TPTE2: variants seen among roughly 807,000 people sequenced by gnomAD.
TPTE2 encodes the protein phosphatidylinositol 3,4,5-trisphosphate 3-phosphatase TPTE2.
A neutral mutation model predicts 78.6 loss-of-function variants in TPTE2; 53 were observed. The ratio of observed to expected loss-of-function variants is 0.67; its 90% CI spans 0.54 to 0.85. The LOEUF (loss-of-function observed/expected upper bound fraction) is 0.85. Among genes scored for constraint, TPTE2 ranks in the 40% least tolerant of loss-of-function variants. The pLI, the probability that TPTE2 is intolerant of heterozygous loss-of-function variation, is 0.00. For synonymous variants in TPTE2, 175 were observed against 206.2 expected (o/e 0.85, Z 1.30); for missense variants, 461 against 623.0 (o/e 0.74, Z 2.77).
intron 1 of TPTE2, among the ~76,000 whole-genome samples, chr13:19,509,821 T>C (rs573392114): frequency 7.9e-5 from 12 of 152,280 alleles, no homozygotes; most frequent in African/African-American, 2.6e-4. Context: ...TATGTAGATA[T>C]ATGTCATTGA....
chr13:19,467,110 T>C (rs1183608009), intron 7 of TPTE2, 115 bp downstream of exon 10: 22 of 1,266,012 alleles, frequency 1.7e-5, no homozygotes, highest in Admixed American at 8.4e-5. Context: ...TTTAAAGCAA[T>C]GTATTTGGTA....
the TPTE2 span, among the ~76,000 whole-genome samples, chr13:19,561,554 C>G: frequency 6.6e-6 from 1 of 152,174 alleles, no homozygotes; most frequent in African/African-American, 2.4e-5. Context: ...TCTTCCCGGC[C>G]GTTGCGATGA....
rs370334261 is a variant in TPTE2, at chr13:19,422,995, T to C, written c.*67A>G. The stretch of plus-strand genomic sequence containing the variant: ...CATGTGGCAGGGGTTGGAAAGAACA[T>C]AATTCTTTCCCAGAAGGGGAAGGGG... On this transcript the variant is annotated 3_prime_UTR_variant, in exon 20 of 20. Transcript: ENST00000400230. The C allele has an allele frequency of 2.5e-6, 4 of 1,585,056 alleles. No homozygotes were observed. The East Asian group carries it at 6.8e-5, about 27-fold the overall frequency.
chr13:19,538,045 T>C (rs1871308357), upstream of TPTE2, among the ~76,000 whole-genome samples: 1 of 152,246 alleles, frequency 6.6e-6, no homozygotes. Context: ...TTAGTGATTA[T>C]ATGTGAATAT....
chr13:19,430,691 A>AT, intron 16 of TPTE2, 144 bp from the exon 20 acceptor site: 1 of 621,586 alleles, frequency 1.6e-6, no homozygotes, highest in Non-Finnish European at 2.8e-6. Context: ...TCTTGCATGG[A>AT]TTTTGTCTTT....
chr13:19,490,894 T>C (rs1593393023), intron 3 of TPTE2, among the ~76,000 whole-genome samples: 1 of 152,310 alleles, frequency 6.6e-6, no homozygotes, highest in Non-Finnish European at 1.5e-5. Context: ...TAGTAGAGTG[T>C]CATACACTAC....
At chr13:19,493,953 A>G (rs1881159803) in intron 1 of TPTE2, among the ~76,000 whole-genome samples, 1 of 152,162 alleles carries the variant, frequency 6.6e-6, no homozygotes, top group African/African-American at 2.4e-5. Flanking sequence ...GCACAATCCA[A>G]TAGGATTTGA....
At chr13:19,467,735 T>G in intron 6 of TPTE2, among the ~76,000 whole-genome samples, 1 of 152,142 alleles carries the variant, frequency 6.6e-6, no homozygotes, top group Non-Finnish European at 1.5e-5. Context: ...AAGTTATTGT[T>G]GACTATGGTC....
At chr13:19,499,827 C>T (rs906639449) in intron 1 of TPTE2, among the ~76,000 whole-genome samples, 13 of 150,534 alleles carry the variant, frequency 8.6e-5, no homozygotes, top group African/African-American at 2.7e-4. Flanking sequence ...AATAGAGACA[C>T]AAAAAACCCT....
the TPTE2 span, among the ~76,000 whole-genome samples, chr13:19,544,620 G>A: frequency 6.6e-6 from 1 of 152,172 alleles, no homozygotes; most frequent in Middle Eastern, 3.2e-3. Flanking sequence ...GCCAGGCCAG[G>A]CACGGTGGCT....
chr13:19,520,019 C>G (rs920251393), intron 1 of TPTE2, among the ~76,000 whole-genome samples: 2 of 151,856 alleles, frequency 1.3e-5, no homozygotes, highest in African/African-American at 2.4e-5. Context: ...AATAAAATTA[C>G]TTTCTTAATT....
chr13:19,540,864 TA>T (rs1263955540), upstream of TPTE2, among the ~76,000 whole-genome samples: 1 of 152,254 alleles, frequency 6.6e-6, no homozygotes, highest in Non-Finnish European at 1.5e-5. Flanking sequence ...ATCTAGTCTC[TA>T]ATAACAGGTT....
chr13:19,529,010 T>G (rs1870698430), intron 1 of TPTE2, among the ~76,000 whole-genome samples: 1 of 152,060 alleles, frequency 6.6e-6, no homozygotes, highest in African/African-American at 2.4e-5. Context: ...TTCCAGCTAC[T>G]CGGGAAGCTG....
chr13:19,473,844 T>A lies in TPTE2; in HGVS notation c.392+70A>T, dbSNP rs1879775414. 28 of 1,350,746 alleles carry A rather than the reference T, an allele frequency of 2.1e-5. 2 individuals carry two copies. In the South Asian group the frequency reaches 4.5e-4, roughly 22 times the overall value. 83.7% of individuals were successfully genotyped at this position (1,350,746 alleles called of 1,614,324 possible). On this transcript the variant is annotated intron_variant, in intron 6 of 19. Coordinates refer to ENST00000400230, the Ensembl canonical transcript of TPTE2. ...CTCCTGACCTTGGGATCCTCCCACC[T>A]CAGCCTCCCAAAGTGCTTCTTATAA...
At chr13:19,432,791 A>C (rs1437949674) in intron 15 of TPTE2, among the ~76,000 whole-genome samples, 1 of 151,770 alleles carries the variant, frequency 6.6e-6, no homozygotes, top group Non-Finnish European at 1.5e-5. Context: ...GCAATGGGGA[A>C]GTAACAAGGA....
chr13:19,561,022 G>T, the TPTE2 span: 2 of 1,577,182 alleles, frequency 1.3e-6, no homozygotes, highest in Non-Finnish European at 1.7e-6. Context: ...CACAGACCAG[G>T]CAGAGGCGCT....
At chr13:19,436,016 A>T (rs1050717489) in intron 15 of TPTE2, among the ~76,000 whole-genome samples, 22 of 152,160 alleles carry the variant, frequency 1.4e-4, no homozygotes, top group African/African-American at 5.3e-4. Flanking sequence ...AGAAAGCAGG[A>T]TTCTCTGAGG....
chr13:19,433,790 T>A (rs1357992387), intron 15 of TPTE2, among the ~76,000 whole-genome samples: 1 of 152,222 alleles, frequency 6.6e-6, no homozygotes, highest in East Asian at 1.9e-4. Context: ...GCTGAGTCCC[T>A]GTGTTGCTTT....
intron 1 of TPTE2, among the ~76,000 whole-genome samples, chr13:19,512,048 G>A (rs1034568286): frequency 1.3e-5 from 2 of 152,178 alleles, no homozygotes; most frequent in African/African-American, 4.8e-5. Context: ...ATATTTACTT[G>A]TTAGTGAATA....
Sources: gnomAD v4.1 joint callset for allele counts (sites outside exome capture counted in the v4.1 genomes callset) on GRCh38, gnomAD v4.1.1 for gene constraint, MANE v1.5 for transcripts, NCBI Gene and HGNC (gene_info 2026-07-23, HGNC 2026-07-21) for gene names.